REPS2: variants seen among roughly 807,000 people sequenced by gnomAD.
REPS2 encodes the protein ralBP1-associated Eps domain-containing protein 2.
Under a neutral mutation model 53.6 loss-of-function variants are expected in REPS2, and 23 were observed. That is an observed-to-expected ratio of 0.43 (90% confidence interval 0.31 to 0.61). The LOEUF is 0.61. Among genes scored for constraint, REPS2 ranks in the 20% least tolerant of loss-of-function variants. REPS2 has a pLI of 0.11. For missense variants in REPS2, 446 were observed against 534.9 expected, an observed-to-expected ratio of 0.83 and a Z score of 1.64; for synonymous variants, 238 against 218.6, an observed-to-expected ratio of 1.09 and a Z score of -0.78.
Position 17,133,805 on chromosome X carries a change from C to G in REPS2, c.1579-19C>G. 1 of 1,189,436 alleles carries G rather than the reference C, an allele frequency of 8.4e-7. No homozygotes were observed. Among genetic ancestry groups the G allele is most frequent in the South Asian group, 1.8e-5 (1 of 56,427 alleles). ...TTGTGGTTTTGCATTTCTGTCCTCT[C>G]TCTGATCTCTTGCTACAGTCTGAAC... On this transcript the variant is annotated intron_variant, in intron 14 of 17. Coordinates refer to ENST00000357277, the MANE Select transcript of REPS2 (RefSeq NM_004726.3).
chrX:17,150,935 G>A lies in REPS2; in HGVS notation c.*3454G>A, dbSNP rs2063563752. On this transcript the variant is annotated 3_prime_UTR_variant, in exon 18 of 18. Coordinates refer to ENST00000357277, the MANE Select transcript of REPS2 (RefSeq NM_004726.3). Reference sequence around the variant, plus strand: ...AATTAGTCTTTAAATTTGAAAACATGTTTTAGGGAGTTTAGTTCTAGAAAT... The same window carrying A: ...AATTAGTCTTTAAATTTGAAAACATATTTTAGGGAGTTTAGTTCTAGAAAT... The A allele has an allele frequency of 8.9e-6, 1 of 112,031 alleles. No individual in the cohort carries two copies. 9.2% of individuals were successfully genotyped at this position (112,031 alleles called of 1,213,427 possible).
At chrX:17,078,840 G>C (rs1457128064) in intron 13 of REPS2, among the ~76,000 whole-genome samples, 1 of 112,084 alleles carries the variant, frequency 8.9e-6, no homozygotes, top group Non-Finnish European at 1.9e-5. Flanking sequence ...TTGGAGCTCA[G>C]CTCAGCTGCT....
intron 8 of REPS2, 42 bp from the exon 9 acceptor site, chrX:17,062,396 C>A: frequency 1.0e-6 from 1 of 973,623 alleles, no homozygotes; most frequent in Non-Finnish European, 1.4e-6. Context: ...ATTACTATGG[C>A]TATAGGAAAT....
intron 14 of REPS2, among the ~76,000 whole-genome samples, chrX:17,131,884 A>G (rs2063296451): frequency 9.2e-6 from 1 of 108,648 alleles, no homozygotes; most frequent in Non-Finnish European, 1.9e-5. Context: ...CTTTTTTAAG[A>G]AGGGCCATAT....
chrX:17,074,164 T>G lies in REPS2; in HGVS notation c.1379+5T>G. 1 of 1,208,616 alleles carries G rather than the reference T, an allele frequency of 8.3e-7. No individual in the cohort carries two copies. The highest frequency in any genetic ancestry group is 1.1e-6 in the Non-Finnish European group (1 of 892,985). ...CAAAGCAAGACCAAGATCCAGGTAGTGTTCGTTTAATTTCTGCTTTAATGC... is the reference window on the plus strand; with the variant it reads ...CAAAGCAAGACCAAGATCCAGGTAGGGTTCGTTTAATTTCTGCTTTAATGC... On this transcript the variant is annotated splice_donor_5th_base_variant and intron_variant, in intron 12 of 17. Transcript: ENST00000357277.
intron 1 of REPS2, among the ~76,000 whole-genome samples, chrX:16,993,624 A>G (rs747420224): frequency 1.2e-4 from 14 of 112,473 alleles, no homozygotes; most frequent in Middle Eastern, 4.6e-3. Flanking sequence ...TCTGAGATCA[A>G]TGGTGCCTGG....
chrX:17,155,312 C>T (rs765097782), downstream of REPS2, among the ~76,000 whole-genome samples: 5 of 110,676 alleles, frequency 4.5e-5, no homozygotes, highest in Admixed American at 9.6e-5. Context: ...TATAAAGCCA[C>T]GAGTCCCAAT....
intron 1 of REPS2, among the ~76,000 whole-genome samples, chrX:16,998,304 C>T (rs753074899): frequency 9.0e-6 from 1 of 111,446 alleles, no homozygotes; most frequent in Non-Finnish European, 1.9e-5. Context: ...AAAACAATAA[C>T]CAATAAACTC....
chrX:17,061,743 C>T (rs1396020414), intron 8 of REPS2, among the ~76,000 whole-genome samples: 1 of 112,444 alleles, frequency 8.9e-6, no homozygotes, highest in Non-Finnish European at 1.9e-5. Context: ...GCTTCTAAGA[C>T]ATAGCCTGGT....
intron 13 of REPS2, among the ~76,000 whole-genome samples, chrX:17,094,716 A>T (rs1162017758): frequency 9.0e-6 from 1 of 111,533 alleles, no homozygotes; most frequent in African/African-American, 3.3e-5. Context: ...ATAGCATCCC[A>T]TTATTTCATC....
chrX:17,015,856 G>A (rs1291024570), intron 2 of REPS2, among the ~76,000 whole-genome samples: 1 of 111,830 alleles, frequency 8.9e-6, no homozygotes, highest in Non-Finnish European at 1.9e-5. Flanking sequence ...ATTGTGAATA[G>A]TGCCGCAATA....
chrX:16,950,770 C>T (rs1419338922), intron 1 of REPS2, among the ~76,000 whole-genome samples: 1 of 112,803 alleles, frequency 8.9e-6, no homozygotes, highest in Non-Finnish European at 1.9e-5. Flanking sequence ...AAATGTCAGC[C>T]TGGTGCTGTG....
chrX:16,979,354 C>G (rs1365155455), intron 1 of REPS2, among the ~76,000 whole-genome samples: 6 of 111,818 alleles, frequency 5.4e-5, no homozygotes, highest in Non-Finnish European at 1.1e-4. Flanking sequence ...TTAAGCATGC[C>G]AAGATTCATA....
At chrX:16,973,395 T>C (rs747107622) in intron 1 of REPS2, among the ~76,000 whole-genome samples, 12 of 112,382 alleles carry the variant, frequency 1.1e-4, no homozygotes, top group Admixed American at 2.8e-4. Flanking sequence ...TTTCATTCTT[T>C]GGTGGATCAC....
chrX:17,181,745 G>A, the REPS2 span, among the ~76,000 whole-genome samples: 1 of 111,920 alleles, frequency 8.9e-6, no homozygotes, highest in Non-Finnish European at 1.9e-5. Context: ...CCTTTCCCTT[G>A]CTCCATAATC....
intron 1 of REPS2, among the ~76,000 whole-genome samples, chrX:16,967,614 T>A (rs1193920397): frequency 9.0e-6 from 1 of 110,731 alleles, no homozygotes; most frequent in African/African-American, 3.3e-5. Context: ...GAGGGAGACG[T>A]GATCACACCA....
At chrX:17,187,325 C>T in the REPS2 span, among the ~76,000 whole-genome samples, 3 of 111,730 alleles carry the variant, frequency 2.7e-5, no homozygotes, top group Non-Finnish European at 5.6e-5. Flanking sequence ...CTGCAGGGAC[C>T]AGGGCACACA....
chrX:17,171,363 C>T, the REPS2 span, among the ~76,000 whole-genome samples: 2 of 111,728 alleles, frequency 1.8e-5, no homozygotes, highest in Non-Finnish European at 3.8e-5. Context: ...TGGCCAGTTC[C>T]AACCACCCCA....
intron 13 of REPS2, among the ~76,000 whole-genome samples, chrX:17,082,875 T>G (rs2062475853): frequency 9.0e-6 from 1 of 111,382 alleles, no homozygotes; most frequent in South Asian, 3.8e-4. Flanking sequence ...TAATTTTGGC[T>G]CATGTACAGA....
Sources: gnomAD v4.1 joint callset for allele counts (sites outside exome capture counted in the v4.1 genomes callset) on GRCh38, gnomAD v4.1.1 for gene constraint, MANE v1.5 for transcripts, NCBI Gene and HGNC (gene_info 2026-07-23, HGNC 2026-07-21) for gene names.